The following MXRA8 variants were observed in gnomAD, a reference collection of about 807,000 sequenced individuals.
MXRA8 encodes matrix remodeling-associated protein 8.
In MXRA8, 44 loss-of-function variants were observed where a neutral mutation model predicts 51.4. The ratio of observed to expected loss-of-function variants is 0.86; its 90% CI spans 0.67 to 1.10. The LOEUF (loss-of-function observed/expected upper bound fraction) is 1.10. Ranked by LOEUF, MXRA8 falls within the 50% of genes least tolerant of loss-of-function variation. MXRA8 has a pLI of 0.00. For synonymous variants in MXRA8, 369 were observed against 293.5 expected, an observed-to-expected ratio of 1.26 and a Z score of -2.63; for missense variants, 765 against 638.9, an observed-to-expected ratio of 1.20 and a Z score of -2.13.
chr1:1,355,288 T>A lies in MXRA8; in HGVS notation c.434A>T (p.His145Leu). ...GCGGACGGCCAGGCTCTCGTAGAGG[T>A]GGCAGTAGTGATGGTGCAGGTTGCA... ...YTCNLHHHYCHLYESLAVRLE... is the reference protein window; with the variant it reads ...YTCNLHHHYCLLYESLAVRLE... Residue 145 changes from histidine (H) to leucine (L), a missense_variant, in exon 4 of 10, where the codon CAC (histidine) becomes CTC (leucine). Transcript: ENST00000309212. 2 of 1,578,748 alleles carry A rather than the reference T, an allele frequency of 1.3e-6. No individual in the cohort carries two copies. Among genetic ancestry groups the A allele is most frequent in the Non-Finnish European group, 1.7e-6 (2 of 1,166,210 alleles).
chr1:1,359,390 C>A, upstream of MXRA8: 1 of 985,428 alleles, frequency 1.0e-6, no homozygotes, highest in Non-Finnish European at 1.2e-6. Context: ...TAAACAAATG[C>A]GAAATAACAG....
chr1:1,359,943 G>T (rs34389364), upstream of MXRA8, among the ~76,000 whole-genome samples: 1 of 152,078 alleles, frequency 6.6e-6, no homozygotes, highest in Non-Finnish European at 1.5e-5. Flanking sequence ...CTGCCCGCCC[G>T]CCCATGTCTG....
Position 1,352,727 on chromosome 1 carries a change from G to C in MXRA8, c.*877C>G, listed in dbSNP as rs1473734105. The C allele has an allele frequency of 6.2e-6, 1 of 162,432 alleles. No individual in the cohort carries two copies. The highest frequency in any genetic ancestry group is 1.3e-5 in the Non-Finnish European group (1 of 75,366). The allele number at this position is 162,432 out of a possible 1,614,324, so 10.1% of individuals were successfully genotyped here. On this transcript the variant is annotated 3_prime_UTR_variant, in exon 10 of 10. Transcript: ENST00000309212. The stretch of plus-strand genomic sequence containing the variant: ...TGGGGACTTTATTGTGATGGTGGCA[G>C]GTCCACCAGCAGATGCAAATGTGGG...
intron 3 of MXRA8, 52 bp from the exon 4 acceptor site, chr1:1,355,397 G>A (rs1163330585): frequency 3.3e-6 from 5 of 1,513,670 alleles, no homozygotes; most frequent in Admixed American, 4.3e-5. Context: ...CCCCGACCCC[G>A]CGGCCCCGGA....
intron 9 of MXRA8, 97 bp downstream of exon 9, chr1:1,353,751 C>T (rs973959527): frequency 1.2e-5 from 17 of 1,471,586 alleles, no homozygotes; most frequent in Non-Finnish European, 1.4e-5. Context: ...GGCAGGGGCC[C>T]CGGGCCTGGC....
upstream of MXRA8, chr1:1,358,907 C>G (rs12731385): frequency 1.0e-5 from 10 of 1,004,888 alleles, no homozygotes; most frequent in African/African-American, 1.2e-4. Context: ...GGCCTCCCCC[C>G]ACGTGAGCCA....
chr1:1,358,430 C>T, intron 1 of MXRA8, 26 bp downstream of exon 1: 2 of 1,596,450 alleles, frequency 1.3e-6, no homozygotes, highest in Non-Finnish European at 1.7e-6. Flanking sequence ...CCACCCCCCA[C>T]CCGCCTCCCA....
chr1:1,354,673 C>T lies in MXRA8; in HGVS notation c.949+9G>A, dbSNP rs1017761271. ...CCGCCTTCCCGGGTCCCAGGGAGGC[C>T]TCCTTCACCTGGGCCTGGGGCGCCG... is the stretch of plus-strand genomic sequence containing the variant. On this transcript the variant is annotated intron_variant, in intron 5 of 9. Coordinates refer to ENST00000309212, the MANE Select transcript of MXRA8 (RefSeq NM_032348.4). 3 of 1,560,528 alleles carry T rather than the reference C, an allele frequency of 1.9e-6. No individual in the cohort carries two copies. The African/African-American group carries it at 4.1e-5, about 21-fold the overall frequency.
intron 6 of MXRA8, 29 bp downstream of exon 6, chr1:1,354,325 G>A (rs1644071119): frequency 6.2e-7 from 1 of 1,602,078 alleles, no homozygotes; most frequent in African/African-American, 1.3e-5. Context: ...AGTCTCCTGG[G>A]GCCGCTGGCT....
chr1:1,355,480 C>T lies in MXRA8; in HGVS notation c.346G>A (p.Asp116Asn), dbSNP rs767590512. 2.0e-6 allele frequency: 3 copies of T among 1,509,604 alleles called. No individual in the cohort carries two copies. The highest frequency in any genetic ancestry group is 4.4e-5 in the Admixed American group (2 of 45,912). 93.5% of individuals were successfully genotyped at this position (1,509,604 alleles called of 1,614,324 possible). The change falls in exon 3 of 10, where the codon GAC becomes AAC. Residue 116 changes from aspartate to asparagine, a missense_variant. Asp to Asn is a conservative substitution (Grantham distance 23). Transcript: ENST00000309212. ...GRLELSASAF[D>N]DGNFSLLIRA... is the part of the protein sequence containing the mutation. Reference sequence around the variant, plus strand: ...ATGAGCAGCGAGAAGTTGCCGTCGTCGAAGGCCGAGGCCGAGAGCTCCAGG... The same window carrying T: ...ATGAGCAGCGAGAAGTTGCCGTCGTTGAAGGCCGAGGCCGAGAGCTCCAGG...
rs1377997392 is a variant in MXRA8, at chr1:1,355,359, A to T, written c.377-14T>A. ...TCTCCTCCACCGCTGCGCACCCAGGAGGAAGCCGCGCGTGAGCCTTGCGGT... is the reference window on the plus strand; with the variant it reads ...TCTCCTCCACCGCTGCGCACCCAGGTGGAAGCCGCGCGTGAGCCTTGCGGT... On this transcript the variant is annotated splice_polypyrimidine_tract_variant and intron_variant, in intron 3 of 9. Transcript: ENST00000309212. The T allele has an allele frequency of 6.4e-7, 1 of 1,568,978 alleles. No homozygotes were observed. The highest frequency in any genetic ancestry group is 1.2e-5 in the South Asian group (1 of 86,284).
At chr1:1,359,700 C>A (rs990438680), upstream of MXRA8, among the ~76,000 whole-genome samples, 1 of 151,014 alleles carries the variant, frequency 6.6e-6, no homozygotes, top group African/African-American at 2.5e-5. Flanking sequence ...CACGGACCGG[C>A]GTAAGGACAG....
At chr1:1,356,742 G>A in intron 1 of MXRA8, 38 bp from the exon 2 acceptor site, 1 of 1,357,066 alleles carries the variant, frequency 7.4e-7, no homozygotes. Flanking sequence ...GCCACCCACA[G>A]CCCCACCCAG....
upstream of MXRA8, among the ~76,000 whole-genome samples, chr1:1,360,884 A>G (rs1644212633): frequency 6.8e-6 from 1 of 147,448 alleles, no homozygotes; most frequent in Non-Finnish European, 1.5e-5. Context: ...AAAGACACAC[A>G]TGGAGACACA....
chr1:1,358,217 C>G (rs1158734651), intron 1 of MXRA8, among the ~76,000 whole-genome samples: 1 of 152,196 alleles, frequency 6.6e-6, no homozygotes, highest in Admixed American at 6.5e-5. Context: ...GCCTGGGCCC[C>G]CAGCCCTTCT....
chr1:1,352,963 C>T lies in MXRA8; in HGVS notation c.*641G>A. On this transcript the variant is annotated 3_prime_UTR_variant, in exon 10 of 10. Transcript: ENST00000309212. ...GGGTAGGGATGGGGCAGAGAAAGGG[C>T]AAGGGGTGCAGCCCCAGGTGGCCCA... The T allele has an allele frequency of 2.2e-6, 1 of 452,226 alleles. No individual in the cohort carries two copies. Among genetic ancestry groups the T allele is most frequent in the Non-Finnish European group, 4.0e-6 (1 of 251,950 alleles). 28.0% of individuals were successfully genotyped at this position (452,226 alleles called of 1,614,324 possible). A position where few individuals can be genotyped will look rare whatever the true frequency, so the allele number is the denominator to read the frequency against.
upstream of MXRA8, among the ~76,000 whole-genome samples, chr1:1,360,983 AACACAG>A (rs750155627): frequency 4.0e-4 from 14 of 35,132 alleles, no homozygotes; most frequent in African/African-American, 6.9e-4. Context: ...GATACACGGA[AACACAG>A]ACACATGCAC....
chr1:1,355,222 G>A (rs1429856418), intron 4 of MXRA8, 22 bp downstream of exon 4: 3 of 1,527,432 alleles, frequency 2.0e-6, no homozygotes, highest in African/African-American at 1.4e-5. Context: ...CGGGAGCTGG[G>A]GGGCGGGGGG....
At position 1,354,173 on chromosome 1, in the gene MXRA8, G is replaced by T; in HGVS notation, c.1145+20C>A. The stretch of plus-strand genomic sequence containing the variant: ...GAAGGGGGCCCTGGTCCCCAGGAGG[G>T]CCGGGAGGGGGGCACTCACCCCTTT... On this transcript the variant is annotated intron_variant, in intron 7 of 9. Coordinates refer to ENST00000309212, the MANE Select transcript of MXRA8 (RefSeq NM_032348.4). The T allele has an allele frequency of 1.2e-6, 2 of 1,612,772 alleles. No homozygotes were observed. The highest frequency in any genetic ancestry group is 1.7e-6 in the Non-Finnish European group (2 of 1,179,990).
Sources: allele counts gnomAD v4.1 joint callset (sites outside exome capture counted in the v4.1 genomes callset), GRCh38; gene constraint gnomAD v4.1.1; transcripts MANE v1.5; gene names NCBI Gene and HGNC (gene_info 2026-07-23, HGNC 2026-07-21).